The following IGF1R variants were observed in gnomAD, a reference collection of about 807,000 sequenced individuals.
IGF1R encodes the protein insulin like growth factor 1 receptor.
Under a neutral mutation model 144.6 loss-of-function variants are expected in IGF1R, and 44 were observed. The ratio of observed to expected loss-of-function variants is 0.30; its 90% CI spans 0.24 to 0.39. IGF1R has a LOEUF of 0.39. IGF1R is among the 10% of genes least tolerant of loss of function. The pLI, the probability that IGF1R is intolerant of heterozygous loss-of-function variation, is 1.00. For missense variants in IGF1R, 1,355 were observed against 1,833.7 expected, an observed-to-expected ratio of 0.74 and a Z score of 4.77; for synonymous variants, 795 against 722.8, an observed-to-expected ratio of 1.10 and a Z score of -1.60.
At chr15:98,689,096 A>G (rs2053408456) in intron 1 of IGF1R, among the ~76,000 whole-genome samples, 1 of 152,196 alleles carries the variant, frequency 6.6e-6, no homozygotes, top group Non-Finnish European at 1.5e-5. Flanking sequence ...TGATCTTAAA[A>G]GCAGCATGAA....
intron 2 of IGF1R, among the ~76,000 whole-genome samples, chr15:98,883,050 A>G (rs1596392540): frequency 6.6e-6 from 1 of 152,300 alleles, no homozygotes; most frequent in African/African-American, 2.4e-5. Flanking sequence ...TTCCATTCTG[A>G]CCATAAAGTG....
intron 3 of IGF1R, among the ~76,000 whole-genome samples, chr15:98,894,057 T>C (rs190323989): frequency 6.2e-4 from 95 of 152,322 alleles, no homozygotes; most frequent in African/African-American, 2.3e-3. Context: ...TTACCAAAGA[T>C]GATTGGTTCC....
chr15:98,658,065 C>T (rs574878418), intron 1 of IGF1R, among the ~76,000 whole-genome samples: 44 of 152,254 alleles, frequency 2.9e-4, no homozygotes, highest in African/African-American at 1.1e-3. Flanking sequence ...AGTCCAGGGT[C>T]CTTAGAATCA....
intron 2 of IGF1R, among the ~76,000 whole-genome samples, chr15:98,723,060 G>GT (rs1449988129): frequency 6.8e-6 from 1 of 146,616 alleles, no homozygotes; most frequent in East Asian, 2.0e-4. Context: ...GTTCCCTGCT[G>GT]TAACCCGTGG....
intron 2 of IGF1R, among the ~76,000 whole-genome samples, chr15:98,775,532 C>T (rs145004462): frequency 0.028 from 4,242 of 152,248 alleles, 89 homozygotes; most frequent in Non-Finnish European, 0.039. Flanking sequence ...CCACTGCCAC[C>T]ACCACAGCTA....
chr15:98,753,380 C>CTTTTTTT lies in IGF1R; in HGVS notation c.640+45291_640+45297dup, dbSNP rs1173073572. Among the ~76,000 whole-genome samples, 55 of 60,288 alleles carry CTTTTTTT rather than the reference C, an allele frequency of 9.1e-4. 1 individual carries two copies. Among genetic ancestry groups the CTTTTTTT allele is most frequent in the African/African-American group, 3.1e-3 (46 of 14,640 alleles). The allele number at this position is 60,288 out of a possible 152,430, so 39.6% of individuals were successfully genotyped here. A position where few individuals can be genotyped will look rare whatever the true frequency, so the allele number is the denominator to read the frequency against. ...CACAAGTATGCACCACCATACCTGG[C>CTTTTTTT]TTTTTTTTTTTTTTTTTTTTTTTTG... is the stretch of plus-strand genomic sequence containing the variant. On this transcript the variant is annotated intron_variant, in intron 2 of 20. Transcript: ENST00000650285.
rs545474255 is a variant in IGF1R at position 98,792,420 on chromosome 15, G to T, written c.640+84313G>T. 1.6e-3 allele frequency among the ~76,000 whole-genome samples: 246 copies of T among 152,312 alleles called. 1 individual carries two copies. The highest frequency in any genetic ancestry group is 2.9e-3 in the Non-Finnish European group (199 of 68,018). Reference sequence around the variant, plus strand: ...CAGAGTAAGATTAATCTTTGCAAATGAAGACAAATTAGCAAAATCTTCCTA... The same window carrying T: ...CAGAGTAAGATTAATCTTTGCAAATTAAGACAAATTAGCAAAATCTTCCTA... On this transcript the variant is annotated intron_variant, in intron 2 of 20. Coordinates refer to ENST00000650285, the MANE Select transcript of IGF1R (RefSeq NM_000875.5).
At chr15:98,825,407 C>T (rs2056875301) in intron 2 of IGF1R, among the ~76,000 whole-genome samples, 1 of 152,232 alleles carries the variant, frequency 6.6e-6, no homozygotes, top group Non-Finnish European at 1.5e-5. Context: ...ACCCCTGGGC[C>T]ACAGACCAGT....
intron 2 of IGF1R, among the ~76,000 whole-genome samples, chr15:98,802,858 C>T (rs2056390664): frequency 1.3e-5 from 2 of 152,084 alleles, no homozygotes; most frequent in South Asian, 2.1e-4. Context: ...ATTATGTTTT[C>T]CTAGATAGGA....
chr15:98,885,791 TC>T (rs1164556138), intron 2 of IGF1R, among the ~76,000 whole-genome samples: 1 of 151,892 alleles, frequency 6.6e-6, no homozygotes, highest in African/African-American at 2.4e-5. Flanking sequence ...CATGTTTTGT[TC>T]CTTGTGAAGA....
chr15:98,670,601 A>C (rs1445797295), intron 1 of IGF1R, among the ~76,000 whole-genome samples: 1 of 152,090 alleles, frequency 6.6e-6, no homozygotes, highest in African/African-American at 2.4e-5. Context: ...CTTTTTGGGG[A>C]GGTAGTAGTG....
intron 7 of IGF1R, 107 bp downstream of exon 7, chr15:98,911,548 G>C (rs2151674708): frequency 6.8e-7 from 1 of 1,472,656 alleles, no homozygotes; most frequent in Non-Finnish European, 9.4e-7. Context: ...GGTCAGCAGA[G>C]TCCCCAGGGA....
At chr15:98,930,140 A>G in intron 14 of IGF1R, 95 bp from the exon 15 acceptor site, 3 of 854,614 alleles carry the variant, frequency 3.5e-6, no homozygotes, top group Non-Finnish European at 5.9e-6. Flanking sequence ...ACCGTGTGAG[A>G]GAGGATAAAT....
intron 1 of IGF1R, among the ~76,000 whole-genome samples, chr15:98,675,522 A>G (rs1432469602): frequency 6.6e-6 from 1 of 152,230 alleles, no homozygotes; most frequent in East Asian, 1.9e-4. Context: ...AGAATTGAAC[A>G]CTAAATTGAG....
intron 2 of IGF1R, among the ~76,000 whole-genome samples, chr15:98,790,924 A>G (rs145132898): frequency 6.6e-6 from 1 of 152,352 alleles, no homozygotes; most frequent in East Asian, 1.9e-4. Context: ...TGGTTAATCA[A>G]AAAGATCACT....
chr15:98,931,867 G>A (rs1394902640), intron 15 of IGF1R, among the ~76,000 whole-genome samples: 1 of 152,166 alleles, frequency 6.6e-6, no homozygotes, highest in Non-Finnish European at 1.5e-5. Context: ...CCAGCAAGAA[G>A]ATAGATATGC....
chr15:98,672,569 CAAAAAA>C (rs60559912), intron 1 of IGF1R, among the ~76,000 whole-genome samples: 2 of 61,654 alleles, frequency 3.2e-5, no homozygotes, highest in African/African-American at 4.5e-5. Flanking sequence ...GACTCCATCT[CAAAAAA>C]AAAAAAAAAA....
In IGF1R at chr15:98,850,946, C is replaced by G. The variant is rs537577920; in HGVS notation, c.641-40379C>G. ...GAATATAACACCTTGCCCTGGTATG[C>G]TCAGGGTCTACTGAGGTGGAGAAAC... is the stretch of plus-strand genomic sequence containing the variant. On this transcript the variant is annotated intron_variant, in intron 2 of 20. Coordinates refer to ENST00000650285, the MANE Select transcript of IGF1R (RefSeq NM_000875.5). Among the ~76,000 whole-genome samples, 20 of 152,262 alleles carry G rather than the reference C, an allele frequency of 1.3e-4. 1 individual carries two copies. In the South Asian group the frequency reaches 3.9e-3, roughly 30 times the overall value.
chr15:98,687,085 A>G (rs1237808239), intron 1 of IGF1R, among the ~76,000 whole-genome samples: 1 of 152,212 alleles, frequency 6.6e-6, no homozygotes, highest in African/African-American at 2.4e-5. Flanking sequence ...GAGAGGGAGC[A>G]TGTGAACAAG....
Sources: allele counts gnomAD v4.1 joint callset (sites outside exome capture counted in the v4.1 genomes callset), GRCh38; gene constraint gnomAD v4.1.1; transcripts MANE v1.5; gene names NCBI Gene and HGNC (gene_info 2026-07-23, HGNC 2026-07-21).